The following SAMD14 variants were observed in gnomAD, a reference collection of about 807,000 sequenced individuals.
SAMD14 encodes sterile alpha motif domain-containing protein 14.
Under a neutral mutation model 46.2 loss-of-function variants are expected in SAMD14, and 27 were observed. The ratio of observed to expected loss-of-function variants is 0.58; its 90% CI spans 0.43 to 0.81. The LOEUF is 0.81. SAMD14 is among the 30% of genes least tolerant of loss of function. The pLI is 0.00. For missense variants in SAMD14, 559 were observed against 582.2 expected (o/e 0.96, Z 0.41); for synonymous variants, 241 against 254.3 (o/e 0.95, Z 0.50).
intron 2 of SAMD14, chr17:50,123,723 CATAA>C (rs1473332174): frequency 4.7e-6 from 1 of 210,672 alleles, no homozygotes; most frequent in Non-Finnish European, 9.8e-6. Context: ...AGTGGGAATT[CATAA>C]ATATTTAATG....
intron 1 of SAMD14, chr17:50,125,236 A>G (rs1911711856): frequency 2.2e-6 from 1 of 454,480 alleles, no homozygotes; most frequent in Non-Finnish European, 4.0e-6. Context: ...TGGTCCTGGT[A>G]TCCTGGTCCA....
At chr17:50,123,324 G>A (rs1006373970) in intron 2 of SAMD14, among the ~76,000 whole-genome samples, 2 of 152,220 alleles carry the variant, frequency 1.3e-5, no homozygotes. Context: ...CTCATTGTAT[G>A]GATGGGAAAA....
intron 2 of SAMD14, among the ~76,000 whole-genome samples, chr17:50,119,096 A>G (rs1911383854): frequency 6.6e-6 from 1 of 152,178 alleles, no homozygotes; most frequent in African/African-American, 2.4e-5. Context: ...AGTGGAGCAA[A>G]GGGACACCCC....
At position 50,114,290 on chromosome 17, in the gene SAMD14, T is replaced by TGACTC; in HGVS notation, c.838_839insGAGTC (p.Asp280GlyfsTer75). ...GCTGCTGCTGGGGGGCGTGGAGTCA[T>TGACTC]CACTCAGAGTGGATTCCTAGACAGA... On this transcript the variant is annotated frameshift_variant, in exon 8 of 10. Transcript: ENST00000330175. LOFTEE classifies it high-confidence loss of function. 6.2e-7 allele frequency: 1 copy of TGACTC among 1,614,010 alleles called. No individual in the cohort carries two copies. The highest frequency in any genetic ancestry group is 8.5e-7 in the Non-Finnish European group (1 of 1,179,994).
intron 1 of SAMD14, among the ~76,000 whole-genome samples, chr17:50,128,367 C>T (rs977641089): frequency 1.3e-5 from 2 of 151,938 alleles, no homozygotes; most frequent in Non-Finnish European, 2.9e-5. Flanking sequence ...TACATTGTGT[C>T]CAGGGGGTCA....
At chr17:50,121,699 G>A (rs577772679) in intron 2 of SAMD14, among the ~76,000 whole-genome samples, 1 of 152,280 alleles carries the variant, frequency 6.6e-6, no homozygotes, top group Admixed American at 6.5e-5. Flanking sequence ...ACAATATAAA[G>A]TCCATGCTAT....
intron 2 of SAMD14, chr17:50,123,944 A>G: frequency 5.2e-6 from 2 of 387,498 alleles, no homozygotes; most frequent in Non-Finnish European, 1.1e-5. Context: ...AGGCAGTTCA[A>G]GGCTAGGGGA....
intron 4 of SAMD14, 70 bp from the exon 5 acceptor site, chr17:50,116,160 G>A (rs1396764997): frequency 1.3e-6 from 2 of 1,539,094 alleles, no homozygotes; most frequent in Non-Finnish European, 1.8e-6. Flanking sequence ...TGCCAGTGTG[G>A]GGTGGTAGAA....
In SAMD14 at chr17:50,118,292, C is replaced by T. The variant is rs769610479; in HGVS notation, c.79G>A (p.Asp27Asn). The change falls in exon 3 of 10, where the codon GAC becomes AAC. Residue 27 changes from aspartate to asparagine, a missense_variant. Transcript: ENST00000330175. ...GCCCGGGCCTTGTGTAAACTGCTGT[C>T]CAGTCTGGCCGTCTCTGGCACAGCC... ...DLAVPETARLDSSLHKARAQL... is the reference protein window; with the variant it reads ...DLAVPETARLNSSLHKARAQL... 1 of 1,613,800 alleles carries T rather than the reference C, an allele frequency of 6.2e-7. No individual in the cohort carries two copies. The highest frequency in any genetic ancestry group is 1.1e-5 in the South Asian group (1 of 91,080).
chr17:50,114,715 A>G (rs1911088090), intron 7 of SAMD14: 1 of 335,284 alleles, frequency 3.0e-6, no homozygotes, highest in East Asian at 5.4e-5. Flanking sequence ...GAGCTCTAGG[A>G]GGGCCTGGGT....
chr17:50,122,751 G>A (rs1248086223), intron 2 of SAMD14, among the ~76,000 whole-genome samples: 1 of 152,150 alleles, frequency 6.6e-6, no homozygotes, highest in African/African-American at 2.4e-5. Flanking sequence ...ATAAAGAGCC[G>A]AGGTTGCAGA....
Position 50,117,546 on chromosome 17 carries a change from TGTGA to T in SAMD14, c.356_359del (p.Leu119HisfsTer159), listed in dbSNP as rs931115030. The T allele has an allele frequency of 1.3e-6, 2 of 1,553,778 alleles. No individual in the cohort carries two copies. Among genetic ancestry groups the T allele is most frequent in the African/African-American group, 2.8e-5 (2 of 71,360 alleles). On this transcript the variant is annotated frameshift_variant, in exon 4 of 10. Transcript: ENST00000330175. LOFTEE classifies it high-confidence loss of function. ...CAGCGTTGTGCAGGGGCCGGTAGCG[TGTGA>T]GCGGCGAGGGCGGCGGCTCGTCCTC...
chr17:50,114,259 C>A lies in SAMD14; in HGVS notation c.870G>T (p.Lys290Asn). 1.2e-6 allele frequency: 2 copies of A among 1,614,052 alleles called. No individual in the cohort carries two copies. The highest frequency in any genetic ancestry group is 8.5e-7 in the Non-Finnish European group (1 of 1,179,984). Residue 290 changes from lysine (K) to asparagine (N), a missense_variant, in exon 8 of 10, where the codon AAG becomes AAT. Transcript: ENST00000330175. Reference sequence around the variant, plus strand: ...CCTCCTGCCAGGGCCCACTGGGGATCTTGGGGCTGCTGCTGGGGGGCGTGG... The same window carrying A: ...CCTCCTGCCAGGGCCCACTGGGGATATTGGGGCTGCTGCTGGGGGGCGTGG... ...DDSTPPSSSP[K>N]IPSGPWQEAK...
chr17:50,117,567 C>T lies in SAMD14; in HGVS notation c.339G>A (p.Glu113=). Residue 113 remains glutamate, a synonymous_variant, in exon 4 of 10, where the codon GAG becomes GAA. Coordinates refer to ENST00000330175, the MANE Select transcript of SAMD14 (RefSeq NM_001257359.2). ...PGLRRSLDED[E]PPPSPLTRYR... Reference sequence around the variant, plus strand: ...AGCGTGTGAGCGGCGAGGGCGGCGGCTCGTCCTCGTCCAGGCTGCGCCGCA... The same window carrying T: ...AGCGTGTGAGCGGCGAGGGCGGCGGTTCGTCCTCGTCCAGGCTGCGCCGCA... 2 of 1,550,130 alleles carry T rather than the reference C, an allele frequency of 1.3e-6. No individual in the cohort carries two copies. The highest frequency in any genetic ancestry group is 8.6e-7 in the Non-Finnish European group (1 of 1,158,450).
chr17:50,110,177 TGGGGGAGCA>T lies in SAMD14; in HGVS notation c.*2707_*2715del. Reference sequence around the variant, plus strand: ...ACCGTGGTGCCCCTCACCATCCTCCTGGGGGAGCAGGGGGTGGGTTCTCCCTGATGACCA... The same window carrying T: ...ACCGTGGTGCCCCTCACCATCCTCCTGGGGGTGGGTTCTCCCTGATGACCA... On this transcript the variant is annotated 3_prime_UTR_variant, in exon 10 of 10. Transcript: ENST00000330175. 1 of 1,432,478 alleles carries T rather than the reference TGGGGGAGCA, an allele frequency of 7.0e-7. No homozygotes were observed. The highest frequency in any genetic ancestry group is 2.5e-5 in the East Asian group (1 of 39,726). The allele number at this position is 1,432,478 out of a possible 1,614,324, so 88.7% of individuals were successfully genotyped here.
chr17:50,118,142 T>C lies in SAMD14; in HGVS notation c.210+19A>G. ...GAGGGGTGGGAGGGTGTATATGTGT[T>C]TTCCTAACTTGCCCCAACCTTGCCT... On this transcript the variant is annotated intron_variant, in intron 3 of 9. Coordinates refer to ENST00000330175, the MANE Select transcript of SAMD14 (RefSeq NM_001257359.2). The C allele has an allele frequency of 6.4e-7, 1 of 1,568,446 alleles. No individual in the cohort carries two copies. The highest frequency in any genetic ancestry group is 1.3e-5 in the African/African-American group (1 of 74,088).
In SAMD14 at chr17:50,117,708, G is replaced by C; in HGVS notation, c.211-13C>G. 7.0e-7 allele frequency: 1 copy of C among 1,428,076 alleles called. No individual in the cohort carries two copies. The allele number at this position is 1,428,076 out of a possible 1,614,324, so 88.5% of individuals were successfully genotyped here. ...AGCCATCGGTCACCTGGACGAGGGG[G>C]CAGCCGCTCACCGAGAACCCTCCTC... On this transcript the variant is annotated splice_polypyrimidine_tract_variant and intron_variant, in intron 3 of 9. Transcript: ENST00000330175.
chr17:50,116,300 C>T (rs2144397621), intron 4 of SAMD14: 1 of 660,340 alleles, frequency 1.5e-6, no homozygotes, highest in Non-Finnish European at 2.5e-6. Flanking sequence ...CTACCTGCTT[C>T]ATGGGACCTA....
In SAMD14 at chr17:50,117,579, C is replaced by A; in HGVS notation, c.327G>T (p.Leu109=). Residue 109 remains leucine, a synonymous_variant, in exon 4 of 10, where the codon CTG becomes CTT. Transcript: ENST00000330175. ...CLDPPGLRRS[L]DEDEPPPSPL... is the part of the protein sequence containing the mutation. ...GCGAGGGCGGCGGCTCGTCCTCGTC[C>A]AGGCTGCGCCGCAACCCCGGAGGAT... The A allele has an allele frequency of 6.4e-7, 1 of 1,552,796 alleles. No homozygotes were observed. The highest frequency in any genetic ancestry group is 2.5e-5 in the East Asian group (1 of 40,108).
Sources: gnomAD v4.1 joint callset for allele counts (sites outside exome capture counted in the v4.1 genomes callset) on GRCh38, gnomAD v4.1.1 for gene constraint, MANE v1.5 for transcripts, NCBI Gene and HGNC (gene_info 2026-07-23, HGNC 2026-07-21) for gene names.